CPQ: variants seen among roughly 807,000 people sequenced by gnomAD.
CPQ encodes carboxypeptidase Q.
Under a neutral mutation model 45.7 loss-of-function variants are expected in CPQ, and 37 were observed. That is an observed-to-expected ratio of 0.81 (90% CI 0.62 to 1.07). The LOEUF (loss-of-function observed/expected upper bound fraction) is 1.07. Ranked by LOEUF, CPQ falls within the 50% of genes least tolerant of loss-of-function variation. The probability of loss-of-function intolerance (pLI) is 0.00; values close to 1 mark genes in which losing one functional copy is unlikely to be tolerated. For synonymous variants in CPQ, 186 were observed against 205.8 expected (o/e 0.90, Z 0.82); for missense variants, 537 against 572.9 (o/e 0.94, Z 0.64).
At chr8:96,778,060 C>A (rs1490695639) in intron 1 of CPQ, among the ~76,000 whole-genome samples, 1 of 150,918 alleles carries the variant, frequency 6.6e-6, no homozygotes, top group Non-Finnish European at 1.5e-5. Context: ...CCCTTGAATA[C>A]CGGTCTTGAT....
At chr8:96,864,574 T>C (rs1187465161) in intron 3 of CPQ, among the ~76,000 whole-genome samples, 1 of 151,334 alleles carries the variant, frequency 6.6e-6, no homozygotes, top group African/African-American at 2.4e-5. Context: ...TTTTCAAAGA[T>C]CAAACAGTGC....
At chr8:96,934,203 CAG>C (rs2130920665) in intron 4 of CPQ, among the ~76,000 whole-genome samples, 1 of 152,286 alleles carries the variant, frequency 6.6e-6, no homozygotes, top group Admixed American at 6.5e-5. Context: ...CCCATCAGTG[CAG>C]AGAGGCCCAT....
chr8:97,066,211 G>T lies in CPQ; in HGVS notation c.1255+1G>T. On this transcript the variant is annotated splice_donor_variant, in intron 7 of 7. Transcript: ENST00000220763. LOFTEE classifies it high-confidence loss of function. ...TTTTGGATCCAAGCTGGAGTGCCTGGTAAGACCAAAAGATGAAGTTGTGTT... is the reference window on the plus strand; with the variant it reads ...TTTTGGATCCAAGCTGGAGTGCCTGTTAAGACCAAAAGATGAAGTTGTGTT... 6.2e-7 allele frequency: 1 copy of T among 1,607,358 alleles called. No individual in the cohort carries two copies. Among genetic ancestry groups the T allele is most frequent in the Non-Finnish European group, 8.5e-7 (1 of 1,178,262 alleles).
intron 4 of CPQ, among the ~76,000 whole-genome samples, chr8:96,908,747 G>GCGCGCGCACACACACACACACACACA (rs149476038): frequency 1.4e-5 from 2 of 140,918 alleles, no homozygotes; most frequent in African/African-American, 5.2e-5. Flanking sequence ...ATACACATGC[G>GCGCGCGCACACACACACACACACACA]CACACACACA....
chr8:97,141,574 A>C (rs148894241), intron 7 of CPQ, among the ~76,000 whole-genome samples: 5 of 152,320 alleles, frequency 3.3e-5, no homozygotes, highest in African/African-American at 1.2e-4. Context: ...ATATACTAAC[A>C]GTGTAAGTGT....
chr8:96,861,408 G>A (rs1053385218), intron 3 of CPQ, among the ~76,000 whole-genome samples: 6 of 152,068 alleles, frequency 3.9e-5, no homozygotes, highest in Admixed American at 1.3e-4. Context: ...TAAATGAAAG[G>A]GGGAAAAGCA....
At chr8:97,069,798 T>C (rs1335811534) in intron 7 of CPQ, among the ~76,000 whole-genome samples, 1 of 152,158 alleles carries the variant, frequency 6.6e-6, no homozygotes, top group Non-Finnish European at 1.5e-5. Flanking sequence ...CTAGGCCTAT[T>C]AAATTTCTAT....
chr8:97,123,162 TAAAATAAAATAAAATATAAA>T (rs1563587292), intron 7 of CPQ, among the ~76,000 whole-genome samples: 2 of 53,806 alleles, frequency 3.7e-5, no homozygotes, highest in African/African-American at 1.7e-4. Context: ...TAAAATAAAA[TAAAATAAAATAAAATATAAA>T]ATAAAATAAA....
At chr8:97,060,475 T>A (rs1189514630) in intron 6 of CPQ, among the ~76,000 whole-genome samples, 1 of 152,190 alleles carries the variant, frequency 6.6e-6, no homozygotes, top group African/African-American at 2.4e-5. Flanking sequence ...CATTGCATTA[T>A]GTATATTACA....
chr8:96,710,404 T>C (rs1163175572), intron 1 of CPQ, among the ~76,000 whole-genome samples: 4 of 152,114 alleles, frequency 2.6e-5, no homozygotes, highest in African/African-American at 7.2e-5. Context: ...GTTTGGTTTG[T>C]TCTTGTTTCT....
rs564170154 is a variant in CPQ, at chr8:96,826,010, G to A, written c.434-8963G>A. 2.0e-5 allele frequency among the ~76,000 whole-genome samples: 3 copies of A among 152,184 alleles called. No individual in the cohort carries two copies. In the South Asian group the frequency reaches 6.2e-4, roughly 32 times the overall value. On this transcript the variant is annotated intron_variant, in intron 2 of 7. Transcript: ENST00000220763. ...TAGGGATGAAATAGTGAAATCTGCT[G>A]AATGTGTGTAGAATTATTAAAGAGT...
intron 4 of CPQ, among the ~76,000 whole-genome samples, chr8:96,943,275 C>A (rs1233765936): frequency 6.6e-6 from 1 of 152,162 alleles, no homozygotes; most frequent in Non-Finnish European, 1.5e-5. Flanking sequence ...ACAGAACAGA[C>A]AGCCCTGAGG....
intron 7 of CPQ, among the ~76,000 whole-genome samples, chr8:97,116,407 A>C (rs996458461): frequency 1.3e-5 from 2 of 152,212 alleles, no homozygotes; most frequent in African/African-American, 4.8e-5. Flanking sequence ...TATTAAACTG[A>C]ATTTTTCTAA....
At chr8:96,942,707 C>CA (rs907827242) in intron 4 of CPQ, among the ~76,000 whole-genome samples, 11 of 152,088 alleles carry the variant, frequency 7.2e-5, no homozygotes, top group African/African-American at 2.7e-4. Context: ...ACACAAACAA[C>CA]AAAAACAAAA....
At chr8:96,804,978 C>G (rs542479406) in intron 2 of CPQ, among the ~76,000 whole-genome samples, 139 of 152,174 alleles carry the variant, frequency 9.1e-4, no homozygotes, top group Non-Finnish European at 1.7e-3. Flanking sequence ...TGCCTTCAGA[C>G]TGTATTTATG....
chr8:96,702,410 G>C (rs1386610460), intron 1 of CPQ, among the ~76,000 whole-genome samples: 2 of 152,176 alleles, frequency 1.3e-5, no homozygotes, highest in African/African-American at 2.4e-5. Flanking sequence ...GAGAATAAGA[G>C]AGAGAAAGGT....
At chr8:96,682,311 TACTC>T (rs1809162702) in intron 1 of CPQ, among the ~76,000 whole-genome samples, 1 of 152,218 alleles carries the variant, frequency 6.6e-6, no homozygotes, top group Non-Finnish European at 1.5e-5. Flanking sequence ...AAGTCTCACT[TACTC>T]ACTCGTGATA....
intron 4 of CPQ, among the ~76,000 whole-genome samples, chr8:96,965,055 T>C (rs1220682011): frequency 1.3e-5 from 2 of 152,226 alleles, no homozygotes; most frequent in African/African-American, 4.8e-5. Context: ...ATGTGTAATA[T>C]AATTTCTAGA....
intron 2 of CPQ, among the ~76,000 whole-genome samples, chr8:96,825,399 A>G (rs551436886): frequency 5.1e-4 from 78 of 152,122 alleles, no homozygotes; most frequent in African/African-American, 1.8e-3. Flanking sequence ...AGTCGGTCTG[A>G]CCTGGATTCA....
Sources: allele counts gnomAD v4.1 joint callset (sites outside exome capture counted in the v4.1 genomes callset), GRCh38; gene constraint gnomAD v4.1.1; transcripts MANE v1.5; gene names NCBI Gene and HGNC (gene_info 2026-07-23, HGNC 2026-07-21).